SZT2: variants seen among roughly 807,000 people sequenced by gnomAD.
SZT2 encodes the protein KICSTOR complex protein SZT2.
A neutral mutation model predicts 404.2 loss-of-function variants in SZT2; 216 were observed. The ratio of observed to expected loss-of-function variants is 0.53; its 90% CI spans 0.48 to 0.60. The LOEUF is 0.60. Among genes scored for constraint, SZT2 ranks in the 20% least tolerant of loss-of-function variants. The pLI is 0.00. For synonymous variants in SZT2, 1,693 were observed against 1,749.9 expected, an observed-to-expected ratio of 0.97 and a Z score of 0.81; for missense variants, 3,857 against 4,459.2, an observed-to-expected ratio of 0.86 and a Z score of 3.85.
chr1:43,449,537 T>A (rs1043348916), intron 70 of SZT2: 1 of 161,852 alleles, frequency 6.2e-6, no homozygotes, highest in Non-Finnish European at 1.4e-5. Context: ...GAGTGGGTTT[T>A]GGGGAAGGGT....
At chr1:43,446,026 C>T (rs1370400214) in intron 63 of SZT2, 42 bp downstream of exon 63, 1 of 1,606,456 alleles carries the variant, frequency 6.2e-7, no homozygotes, top group Non-Finnish European at 8.5e-7. Flanking sequence ...TGCTAAATTA[C>T]TTTCCCACGG....
rs1329102526 is a variant in SZT2, at chr1:43,441,983, G to C, written c.7743-17G>C. The C allele has an allele frequency of 3.7e-6, 6 of 1,606,942 alleles. No homozygotes were observed. Among genetic ancestry groups the C allele is most frequent in the Admixed American group, 1.7e-5 (1 of 59,570 alleles). On this transcript the variant is annotated splice_polypyrimidine_tract_variant and intron_variant, in intron 55 of 71. Coordinates refer to ENST00000634258, the MANE Select transcript of SZT2 (RefSeq NM_001365999.1). This position sits in a 1 kb window ranked among gnomAD's most constrained non-coding sequence, Gnocchi z 4.8. ...GGTGTCATGGATGGCCTTTCTGTCT[G>C]TCCTCCCTTTCAATAGGGGTTCAGA...
intron 4 of SZT2, chr1:43,409,371 A>T (rs1206382119): frequency 1.1e-5 from 3 of 276,508 alleles, no homozygotes; most frequent in African/African-American, 6.7e-5. Context: ...CATTAGGGGG[A>T]TAAGGAGAGG....
chr1:43,422,939 C>G (rs1652589810), intron 14 of SZT2, 56 bp downstream of exon 14: 1 of 1,518,264 alleles, frequency 6.6e-7, no homozygotes, highest in African/African-American at 1.4e-5. Flanking sequence ...AGGATAGCTC[C>G]CTCTCCCCAA....
Position 43,398,259 on chromosome 1 carries a change from A to G in SZT2, c.28-4918A>G, listed in dbSNP as rs72881973. Among the ~76,000 whole-genome samples the G allele has an allele frequency of 7.1e-3, 1,082 of 152,350 alleles. 10 individuals carry two copies. The highest frequency in any genetic ancestry group is 0.025 in the African/African-American group (1,027 of 41,578). On this transcript the variant is annotated intron_variant, in intron 1 of 71. Transcript: ENST00000634258. ...GTCCAGTTTGCCGTGCTTAGAACAT[A>G]TAGCGAGAGGGGAAGAGGTGGTGGT...
chr1:43,410,140 A>G (rs1650832393), intron 4 of SZT2: 1 of 152,220 alleles, frequency 6.6e-6, no homozygotes, highest in South Asian at 2.1e-4. Context: ...AGATGCCAAG[A>G]ACATACATTG....
chr1:43,443,911 C>A, intron 62 of SZT2, 115 bp downstream of exon 62: 1 of 1,283,642 alleles, frequency 7.8e-7, no homozygotes, highest in Non-Finnish European at 1.1e-6. Flanking sequence ...TGGGCCTGTG[C>A]ATGTTTATCC....
chr1:43,428,375 G>A lies in SZT2; in HGVS notation c.4055G>A (p.Gly1352Asp), dbSNP rs1157923829. 1.2e-6 allele frequency: 2 copies of A among 1,614,156 alleles called. No homozygotes were observed. The highest frequency in any genetic ancestry group is 1.6e-4 in the Middle Eastern group (1 of 6,062). ...FLLALCGHTW[G>D]LPHAPPSPGP... ...CTTGCATTGTGTGGCCACACTTGGG[G>A]TTTGCCTCATGCACCCCCAAGTCCT... Residue 1352 changes from glycine to aspartate, a missense_variant, in exon 28 of 72, where the codon GGT (glycine) becomes GAT (aspartate). Gly to Asp is a moderately conservative substitution (Grantham distance 94, BLOSUM62 -1). Around this residue, in one of 7 missense-constraint regions of SZT2, gnomAD observed 1,725 missense variants for 1,881.0 expected, o/e 0.92. Transcript: ENST00000634258.
Position 43,439,541 on chromosome 1 carries a change from G to A in SZT2, c.6878-64G>A, listed in dbSNP as rs1654836961. 1.9e-6 allele frequency: 3 copies of A among 1,606,930 alleles called. No homozygotes were observed. The highest frequency in any genetic ancestry group is 2.6e-6 in the Non-Finnish European group (3 of 1,176,114). On this transcript the variant is annotated intron_variant, in intron 49 of 71. Coordinates refer to ENST00000634258, the MANE Select transcript of SZT2 (RefSeq NM_001365999.1). This position sits in a 1 kb window ranked among gnomAD's most constrained non-coding sequence, Gnocchi z 4.2. ...CATTTCCCAGGCTTGCAGCTGAGTG[G>A]AGGGTCGTGGGAGGGGTGGTCTGCA... is the stretch of plus-strand genomic sequence containing the variant.
At chr1:43,445,625 C>T (rs529195837) in intron 62 of SZT2, 63 of 540,870 alleles carry the variant, frequency 1.2e-4, no homozygotes, top group African/African-American at 1.0e-3. Context: ...CTGCCCAGCA[C>T]ACACCCTCTC....
chr1:43,431,290 T>C lies in SZT2; in HGVS notation c.4942T>C (p.Phe1648Leu). ...HRSTSESSAS[F>L]PRSPGQPSSL... ...GTCAACATCTGAAAGCAGTGCTTCA[T>C]TTCCACGATCCCCAGGGCAGCCATC... Residue 1648 changes from phenylalanine (F) to leucine (L), a missense_variant, in exon 34 of 72, where the codon TTT becomes CTT. Around this residue, in one of 7 missense-constraint regions of SZT2, gnomAD observed 1,725 missense variants for 1,881.0 expected, o/e 0.92. Transcript: ENST00000634258. The C allele has an allele frequency of 6.2e-7, 1 of 1,612,390 alleles. No individual in the cohort carries two copies. Among genetic ancestry groups the C allele is most frequent in the South Asian group, 1.1e-5 (1 of 90,778 alleles).
chr1:43,444,846 T>A (rs1655491495), intron 62 of SZT2, among the ~76,000 whole-genome samples: 1 of 152,208 alleles, frequency 6.6e-6, no homozygotes, highest in Non-Finnish European at 1.5e-5. Context: ...ATTTGTGAGT[T>A]TATCAAGGCA....
chr1:43,422,096 A>G lies in SZT2; in HGVS notation c.1640A>G (p.Gln547Arg). 5.0e-6 allele frequency: 8 copies of G among 1,596,052 alleles called. No individual in the cohort carries two copies. The highest frequency in any genetic ancestry group is 6.8e-6 in the Non-Finnish European group (8 of 1,177,882). The change falls in exon 12 of 72, where the codon CAG becomes CGG. Residue 547 changes from glutamine to arginine, a missense_variant. Gln to Arg is a conservative substitution (Grantham distance 43). Around this residue, in one of 7 missense-constraint regions of SZT2, gnomAD observed 39 missense variants for 89.7 expected, o/e 0.43. Transcript: ENST00000634258. The stretch of plus-strand genomic sequence containing the variant: ...TCCTGTCCTCAGGTGCTCTCCCTCC[A>G]GCCCAGTGGTTCTGACTCATCCCAT... The part of the protein sequence containing the change: ...PGSTTPVLSL[Q>R]PSGSDSSHAQ...
chr1:43,413,725 A>G (rs994347760), intron 4 of SZT2, among the ~76,000 whole-genome samples: 1 of 71,886 alleles, frequency 1.4e-5, no homozygotes, highest in Non-Finnish European at 4.2e-5. Context: ...TTGGCATGTT[A>G]TTTATTTGTG....
At chr1:43,416,981 G>A (rs1006612949) in intron 7 of SZT2, among the ~76,000 whole-genome samples, 1 of 152,182 alleles carries the variant, frequency 6.6e-6, no homozygotes, top group African/African-American at 2.4e-5. Flanking sequence ...ACCAAAGGGG[G>A]AAAAGGCATA....
Position 43,443,805 on chromosome 1 carries a change from G to A in SZT2, c.8825+9G>A, listed in dbSNP as rs760296488. 3.5e-5 allele frequency: 57 copies of A among 1,612,838 alleles called. No homozygotes were observed. The highest frequency in any genetic ancestry group is 4.4e-5 in the Non-Finnish European group (52 of 1,179,958). On this transcript the variant is annotated intron_variant, in intron 62 of 71. Transcript: ENST00000634258. ...CCCTCACCCGCCCGCAGGTGAGCCC[G>A]TCCCTGTTTTCCCTTCTGTCTTCTC... is the stretch of plus-strand genomic sequence containing the variant.
intron 41 of SZT2, 54 bp downstream of exon 41, chr1:43,434,539 T>C: frequency 7.0e-7 from 1 of 1,432,868 alleles, no homozygotes; most frequent in South Asian, 1.3e-5. Context: ...AGAACCAAAT[T>C]TCTAAGAACT....
At chr1:43,422,333 A>G in intron 12 of SZT2, 108 bp downstream of exon 12, 1 of 1,495,556 alleles carries the variant, frequency 6.7e-7, no homozygotes, top group Non-Finnish European at 8.9e-7. Flanking sequence ...ACTGTGGCCA[A>G]GGAAAAACTA....
intron 42 of SZT2, chr1:43,436,866 G>T (rs1357824218): frequency 2.3e-6 from 1 of 429,494 alleles, no homozygotes; most frequent in Non-Finnish European, 4.2e-6. Flanking sequence ...TTATGACAGG[G>T]TCAGAATCTC....
Sources: allele counts gnomAD v4.1 joint callset (sites outside exome capture counted in the v4.1 genomes callset), GRCh38; gene constraint gnomAD v4.1.1; regional missense constraint gnomAD v4.1.1; non-coding constraint Gnocchi (gnomAD v3.1); transcripts MANE v1.5; gene names NCBI Gene and HGNC (gene_info 2026-07-23, HGNC 2026-07-21).